MEIKIN: variants seen among roughly 807,000 people sequenced by gnomAD.
MEIKIN encodes meiosis-specific kinetochore protein.
chr5:131,943,003 G>A (rs1211461279), intron 3 of MEIKIN, among the ~76,000 whole-genome samples: 1 of 152,012 alleles, frequency 6.6e-6, no homozygotes, highest in East Asian at 1.9e-4. Flanking sequence ...CTAGTGGGGA[G>A]GGGCTTTTTT....
chr5:131,829,262 T>A (rs750061382), intron 11 of MEIKIN, among the ~76,000 whole-genome samples: 1 of 152,200 alleles, frequency 6.6e-6, no homozygotes, highest in Non-Finnish European at 1.5e-5. Flanking sequence ...AATATGAAGA[T>A]GAAATAAAAA....
At chr5:131,919,692 T>C (rs1412620593) in intron 6 of MEIKIN, among the ~76,000 whole-genome samples, 1 of 152,010 alleles carries the variant, frequency 6.6e-6, no homozygotes, top group East Asian at 1.9e-4. Context: ...AAGAAATACA[T>C]GGATATCTCC....
At chr5:131,857,473 C>T (rs1750215170) in intron 9 of MEIKIN, among the ~76,000 whole-genome samples, 1 of 152,164 alleles carries the variant, frequency 6.6e-6, no homozygotes, top group Non-Finnish European at 1.5e-5. Flanking sequence ...CAGTCTTGTC[C>T]ATGAGATATG....
At chr5:131,885,295 G>C (rs1279932639) in intron 8 of MEIKIN, among the ~76,000 whole-genome samples, 2 of 149,880 alleles carry the variant, frequency 1.3e-5, no homozygotes, top group Admixed American at 6.8e-5. Context: ...AGGCCACAGA[G>C]GTGCTTGTGT....
chr5:131,845,272 T>TAAAAAAAAAAAAAAAAAAAA lies in MEIKIN; in HGVS notation c.975+5972_975+5991dup, dbSNP rs1158220526. 2.0e-4 allele frequency among the ~76,000 whole-genome samples: 9 copies of TAAAAAAAAAAAAAAAAAAAA among 45,360 alleles called. 1 individual carries two copies. Among genetic ancestry groups the TAAAAAAAAAAAAAAAAAAAA allele is most frequent in the African/African-American group, 9.8e-4 (7 of 7,162 alleles). 29.8% of individuals were successfully genotyped at this position (45,360 alleles called of 152,430 possible). On this transcript the variant is annotated intron_variant, in intron 11 of 12. Coordinates refer to ENST00000442687, the MANE Select transcript of MEIKIN (RefSeq NM_001303622.2). ...GTGACAGAGCGAGAAGACTTCGTCTTAAAAAAAAAAAAAAAAAAAAAAAAA... is the reference window on the plus strand; with the variant it reads ...GTGACAGAGCGAGAAGACTTCGTCTTAAAAAAAAAAAAAAAAAAAAAAAAAAAAAAAAAAAAAAAAAAAAA...
intron 11 of MEIKIN, among the ~76,000 whole-genome samples, chr5:131,829,799 G>A (rs1244915074): frequency 6.6e-6 from 1 of 152,128 alleles, no homozygotes; most frequent in Non-Finnish European, 1.5e-5. Flanking sequence ...GAGTTATGCT[G>A]CCACAAGACA....
intron 9 of MEIKIN, among the ~76,000 whole-genome samples, chr5:131,873,947 G>T (rs184242668): frequency 6.6e-6 from 1 of 152,078 alleles, no homozygotes; most frequent in Non-Finnish European, 1.5e-5. Flanking sequence ...TGAAACCAAC[G>T]ACAACAAAGA....
At chr5:131,936,052 G>C (rs950484364) in intron 4 of MEIKIN, among the ~76,000 whole-genome samples, 5 of 152,018 alleles carry the variant, frequency 3.3e-5, no homozygotes, top group African/African-American at 1.2e-4. Flanking sequence ...AAAATTTCAT[G>C]AATACCCCTC....
intron 9 of MEIKIN, among the ~76,000 whole-genome samples, chr5:131,877,291 A>G (rs562581086): frequency 1.9e-3 from 282 of 152,238 alleles, no homozygotes; most frequent in Middle Eastern, 3.4e-3. Flanking sequence ...TAATTAATGA[A>G]AGCTACTCAA....
chr5:131,943,472 T>C (rs7711551), intron 3 of MEIKIN, among the ~76,000 whole-genome samples: 15,658 of 152,164 alleles, frequency 0.1, 1,901 homozygotes, highest in African/African-American at 0.3. Context: ...AGCAAAACCT[T>C]GGAAACAATC....
intron 11 of MEIKIN, among the ~76,000 whole-genome samples, chr5:131,842,958 A>T (rs1209489165): frequency 7.9e-5 from 12 of 152,016 alleles, no homozygotes; most frequent in Non-Finnish European, 1.8e-4. Flanking sequence ...GTTTCCATAC[A>T]GCCTCTGAAA....
At chr5:131,897,914 A>T (rs1751081746) in intron 8 of MEIKIN, among the ~76,000 whole-genome samples, 1 of 152,150 alleles carries the variant, frequency 6.6e-6, no homozygotes, top group African/African-American at 2.4e-5. Context: ...CAACTCATCA[A>T]AGTCATTCTC....
intron 8 of MEIKIN, among the ~76,000 whole-genome samples, chr5:131,911,088 T>A (rs569314534): frequency 3.3e-5 from 5 of 152,238 alleles, no homozygotes; most frequent in African/African-American, 1.2e-4. Flanking sequence ...TTCCAAGGAT[T>A]TTGTGCTTTT....
intron 11 of MEIKIN, among the ~76,000 whole-genome samples, chr5:131,847,703 T>G (rs1449698845): frequency 2.0e-5 from 3 of 152,016 alleles, no homozygotes; most frequent in African/African-American, 7.2e-5. Context: ...CAAAACAATC[T>G]TTCAAATAAC....
At chr5:131,908,243 G>A (rs1751276593) in intron 8 of MEIKIN, among the ~76,000 whole-genome samples, 1 of 152,060 alleles carries the variant, frequency 6.6e-6, no homozygotes, top group Admixed American at 6.5e-5. Context: ...CAGACCAAGT[G>A]AGATTTACCC....
chr5:131,945,316 G>A, intron 1 of MEIKIN, 67 bp from the exon 2 acceptor site: 1 of 399,012 alleles, frequency 2.5e-6, no homozygotes. Context: ...TCCTGGGCCC[G>A]AGGCCTAGCA....
At chr5:131,872,260 G>C (rs1750518524) in intron 9 of MEIKIN, among the ~76,000 whole-genome samples, 2 of 151,598 alleles carry the variant, frequency 1.3e-5, no homozygotes, top group South Asian at 2.1e-4. Context: ...AAAAAAATTA[G>C]ACGAATGGAT....
intron 9 of MEIKIN, among the ~76,000 whole-genome samples, chr5:131,855,693 G>A (rs1490634466): frequency 6.6e-6 from 1 of 152,032 alleles, no homozygotes; most frequent in Non-Finnish European, 1.5e-5. Flanking sequence ...AGACAGAGAA[G>A]ACAGAAACCA....
chr5:131,811,104 C>T (rs924562251), intron 12 of MEIKIN, among the ~76,000 whole-genome samples: 3 of 152,124 alleles, frequency 2.0e-5, no homozygotes, highest in African/African-American at 7.2e-5. Flanking sequence ...CAGGAGATGG[C>T]ACCGTTAGTT....
Sources: allele counts gnomAD v4.1 joint callset (sites outside exome capture counted in the v4.1 genomes callset), GRCh38; gene constraint gnomAD v4.1.1; transcripts MANE v1.5; gene names NCBI Gene and HGNC (gene_info 2026-07-23, HGNC 2026-07-21).